The following MYRF variants were observed in gnomAD, a reference collection of about 807,000 sequenced individuals.
The protein encoded by MYRF is myelin regulatory factor, also known as myelin gene regulatory factor.
A neutral mutation model predicts 126.3 loss-of-function variants in MYRF; 16 were observed. That is an observed-to-expected ratio of 0.13 (90% confidence interval 0.09 to 0.19). MYRF has a LOEUF of 0.19. Ranked by LOEUF, MYRF falls within the 10% of genes least tolerant of loss-of-function variation. The pLI is 1.00. For missense variants in MYRF, 1,104 were observed against 1,547.0 expected (o/e 0.71, Z 4.80); for synonymous variants, 608 against 635.3 (o/e 0.96, Z 0.65).
chr11:61,772,952 T>G (rs911872566), intron 7 of MYRF, among the ~76,000 whole-genome samples: 15 of 151,598 alleles, frequency 9.9e-5, no homozygotes, highest in Non-Finnish European at 2.1e-4. Context: ...TGACCACTCT[T>G]GTGCCTGGGG....
At chr11:61,772,073 CA>C in intron 7 of MYRF, 121 bp downstream of exon 7, 1 of 1,412,724 alleles carries the variant, frequency 7.1e-7, no homozygotes, top group South Asian at 1.4e-5. Context: ...GAAGAGCAAA[CA>C]GGCTCAGGGA....
In MYRF at chr11:61,780,768, G is replaced by A. The variant is rs1307523438; in HGVS notation, c.2462G>A (p.Gly821Glu). ...GCCCTGCTCCGGCCCCAGCCCCCTG[G>A]GGGGAGTGAGGCCTTGTGCCCATGG... Reference protein sequence around the residue: ...LLALLRPQPPGGSEALCPWSS... With the variant: ...LLALLRPQPPEGSEALCPWSS... The change falls in exon 19 of 27, where the codon GGG becomes GAG. Residue 821 changes from glycine to glutamate, a missense_variant. By Grantham distance (98) the Gly-to-Glu change is moderately conservative. Transcript: ENST00000278836. The A allele has an allele frequency of 5.2e-6, 8 of 1,546,976 alleles. No individual in the cohort carries two copies. Among genetic ancestry groups the A allele is most frequent in the African/African-American group, 1.4e-5 (1 of 73,112 alleles).
At chr11:61,758,255 A>G (rs595863) in intron 1 of MYRF, among the ~76,000 whole-genome samples, 139,348 of 152,138 alleles carry the variant, frequency 0.92, 65,035 homozygotes, top group East Asian at 1. Context: ...CCGTGCAGCC[A>G]CCGGAGTGCA....
At chr11:61,766,611 G>C (rs2066069838) in intron 3 of MYRF, 3 of 250,714 alleles carry the variant, frequency 1.2e-5, no homozygotes, top group Admixed American at 1.0e-4. Context: ...GACGTGTACT[G>C]TGGCCACAGG....
chr11:61,763,567 A>G (rs939829534), intron 1 of MYRF, among the ~76,000 whole-genome samples: 1 of 152,224 alleles, frequency 6.6e-6, no homozygotes, highest in Non-Finnish European at 1.5e-5. Flanking sequence ...TGCGCATAAG[A>G]AACTTCTGTG....
In MYRF at chr11:61,777,083, TCTGGGA is replaced by T. The variant is rs2066404865; in HGVS notation, c.1591-180_1591-175del. Among the ~76,000 whole-genome samples, 1 of 152,090 alleles carries T rather than the reference TCTGGGA, an allele frequency of 6.6e-6. No individual in the cohort carries two copies. The highest frequency in any genetic ancestry group is 1.5e-5 in the Non-Finnish European group (1 of 68,008). ...GGGAGGTGGACGAAGCCTGGTAGCT[TCTGGGA>T]TCCCACAAGTGACAAAAAGTTGTCA... On this transcript the variant is annotated intron_variant, in intron 11 of 26. Transcript: ENST00000278836. The surrounding 1 kb of genome is among the most constrained non-coding windows in gnomAD (Gnocchi z 8.8).
In MYRF at chr11:61,777,680, C is replaced by A; in HGVS notation, c.1792-54C>A. ...GCTGCCGCCCTCCTGGGCTCCGGGGCCTGCTCCGGGACGGCCGCAGGAGGG... is the reference window on the plus strand; with the variant it reads ...GCTGCCGCCCTCCTGGGCTCCGGGGACTGCTCCGGGACGGCCGCAGGAGGG... On this transcript the variant is annotated intron_variant, in intron 12 of 26. Transcript: ENST00000278836. The surrounding 1 kb of genome is among the most constrained non-coding windows in gnomAD (Gnocchi z 8.8). 1 of 1,505,076 alleles carries A rather than the reference C, an allele frequency of 6.6e-7. No individual in the cohort carries two copies. The highest frequency in any genetic ancestry group is 9.0e-7 in the Non-Finnish European group (1 of 1,108,498). The allele number at this position is 1,505,076 out of a possible 1,614,324, so 93.2% of individuals were successfully genotyped here.
intron 1 of MYRF, among the ~76,000 whole-genome samples, chr11:61,764,433 G>C (rs2065994800): frequency 6.6e-6 from 1 of 152,242 alleles, no homozygotes; most frequent in Non-Finnish European, 1.5e-5. Flanking sequence ...CGAATGAGGA[G>C]ACTGAGGCGC....
At chr11:61,769,470 T>G in intron 4 of MYRF, 149 bp downstream of exon 4, 1 of 666,392 alleles carries the variant, frequency 1.5e-6, no homozygotes, top group East Asian at 2.8e-5. Context: ...GGCGCTTGGC[T>G]ATTGTTTCCC....
At chr11:61,773,428 G>A (rs2066280911) in intron 7 of MYRF, among the ~76,000 whole-genome samples, 1 of 152,216 alleles carries the variant, frequency 6.6e-6, no homozygotes, top group South Asian at 2.1e-4. Context: ...GCAGACGGAG[G>A]GAGTAGGAAT....
At chr11:61,775,062 C>T (rs1335343711) in intron 8 of MYRF, among the ~76,000 whole-genome samples, 3 of 152,190 alleles carry the variant, frequency 2.0e-5, no homozygotes, top group Admixed American at 2.0e-4. Flanking sequence ...TGCTATTGCC[C>T]TGGAAGATCC....
In MYRF at chr11:61,779,898, C is replaced by A. The variant is rs1591124778; in HGVS notation, c.2304C>A (p.Thr768=). 3 of 1,614,142 alleles carry A rather than the reference C, an allele frequency of 1.9e-6. No homozygotes were observed. The highest frequency in any genetic ancestry group is 2.5e-6 in the Non-Finnish European group (3 of 1,180,004). ...ACISQRFLQG[T]IIALVVVMAF... The stretch of plus-strand genomic sequence containing the variant: ...TCAGCCAGCGCTTCCTGCAGGGAAC[C>A]ATCATTGCCCTGGTGGTGGTCATGG... Residue 768 remains threonine (T), a synonymous_variant, in exon 17 of 27, where the codon ACC becomes ACA. Coordinates refer to ENST00000278836, the MANE Select transcript of MYRF (RefSeq NM_001127392.3).
intron 3 of MYRF, chr11:61,767,285 G>T (rs2066091678): frequency 2.2e-6 from 1 of 456,598 alleles, no homozygotes; most frequent in African/African-American, 2.0e-5. Context: ...ACTAACATTT[G>T]GTAAGCGCCT....
At chr11:61,759,008 G>A (rs1374228101) in intron 1 of MYRF, among the ~76,000 whole-genome samples, 1 of 152,262 alleles carries the variant, frequency 6.6e-6, no homozygotes, top group Non-Finnish European at 1.5e-5. Flanking sequence ...TCATGCGCAT[G>A]TCAGTGGATA....
rs149717442 is a variant in MYRF, at chr11:61,773,855, G to A, written c.1116-112G>A. 1,484 of 838,302 alleles carry A rather than the reference G, an allele frequency of 1.8e-3. 20 individuals carry two copies. In the African/African-American group the frequency reaches 0.021, roughly 12 times the overall value. 51.9% of individuals were successfully genotyped at this position (838,302 alleles called of 1,614,324 possible). ...GGGGGCAGCCGCATTGGTGGTTTGA[G>A]GATGCAGGGGTGTGGTGTGGGAAAT... is the stretch of plus-strand genomic sequence containing the variant. On this transcript the variant is annotated intron_variant, in intron 7 of 26. Transcript: ENST00000278836.
intron 1 of MYRF, among the ~76,000 whole-genome samples, chr11:61,762,358 A>T (rs12224732): frequency 3.3e-5 from 5 of 152,016 alleles, no homozygotes; most frequent in African/African-American, 4.8e-5. Flanking sequence ...CTGGTTTGTG[A>T]GCTCATGGTG....
rs964270558 is a variant in MYRF, at chr11:61,770,347, C to T, written c.562C>T (p.Pro188Ser). ...PPPPPAHLPG[P>S]PPPPPPPPHY... ...CCCACCTCCAGCCCACTTGCCAGGCCCCCCGCCACCCCCACCACCCCCACC... is the reference window on the plus strand; with the variant it reads ...CCCACCTCCAGCCCACTTGCCAGGCTCCCCGCCACCCCCACCACCCCCACC... Residue 188 changes from proline (P) to serine (S), a missense_variant, in exon 5 of 27, where the codon CCC (proline) becomes TCC (serine). Pro to Ser is a moderately conservative substitution (Grantham distance 74, BLOSUM62 -1). Coordinates refer to ENST00000278836, the MANE Select transcript of MYRF (RefSeq NM_001127392.3). The T allele has an allele frequency of 1.9e-5, 21 of 1,115,382 alleles. No homozygotes were observed. The highest frequency in any genetic ancestry group is 1.8e-4 in the Admixed American group (9 of 49,404). The allele number at this position is 1,115,382 out of a possible 1,614,324, so 69.1% of individuals were successfully genotyped here.
Position 61,781,323 on chromosome 11 carries a change from C to T in MYRF, c.2758C>T (p.Arg920Cys), listed in dbSNP as rs757497011. Residue 920 changes from arginine to cysteine, a missense_variant, in exon 21 of 27, where the codon CGC (arginine) becomes TGC (cysteine). Coordinates refer to ENST00000278836, the MANE Select transcript of MYRF (RefSeq NM_001127392.3). ...CCCAAGTCCCAGCCCCAGCACCAAC[C>T]GCTCAGGTAAGGCTTTCTGTGGGCT... ...LSPSPSPSTNRSGPSQMALLP... is the reference protein window; with the variant it reads ...LSPSPSPSTNCSGPSQMALLP... 31 of 1,613,824 alleles carry T rather than the reference C, an allele frequency of 1.9e-5. No homozygotes were observed. The highest frequency in any genetic ancestry group is 3.3e-5 in the Admixed American group (2 of 60,014).
At chr11:61,761,747 T>C (rs1442067081) in intron 1 of MYRF, among the ~76,000 whole-genome samples, 1 of 152,290 alleles carries the variant, frequency 6.6e-6, no homozygotes, top group African/African-American at 2.4e-5. Context: ...TGCCTGCCCC[T>C]GTAAGCTATG....
Sources: gnomAD v4.1 joint callset for allele counts (sites outside exome capture counted in the v4.1 genomes callset) on GRCh38, gnomAD v4.1.1 for gene constraint, Gnocchi (gnomAD v3.1) non-coding constraint, MANE v1.5 for transcripts, NCBI Gene and HGNC (gene_info 2026-07-23, HGNC 2026-07-21) for gene names.